The following MCU variants were observed in gnomAD, a reference collection of about 807,000 sequenced individuals.
MCU encodes the protein calcium uniporter protein, mitochondrial.
A neutral mutation model predicts 45.2 loss-of-function variants in MCU; 12 were observed. The observed-to-expected ratio is 0.27, with a 90% CI of 0.17 to 0.43. MCU has a LOEUF of 0.43. MCU is among the 20% of genes least tolerant of loss of function. The pLI, the probability that MCU is intolerant of heterozygous loss-of-function variation, is 1.00. For missense variants in MCU, 324 were observed against 436.7 expected (o/e 0.74, Z 2.30); for synonymous variants, 160 against 165.1 (o/e 0.97, Z 0.24).
At chr10:72,861,536 C>T (rs974530838) in intron 4 of MCU, 3 of 211,166 alleles carry the variant, frequency 1.4e-5, no homozygotes, top group Non-Finnish European at 2.9e-5. Context: ...AAGCCAGATA[C>T]GGGTTTCACC....
intron 1 of MCU, chr10:72,692,928 A>G (rs1266301969): frequency 6.6e-7 from 1 of 1,520,690 alleles, no homozygotes; most frequent in African/African-American, 1.4e-5. Flanking sequence ...TGGATGCTGC[A>G]TTGCTTCAGG....
chr10:72,864,822 A>C (rs1845429692), intron 4 of MCU, among the ~76,000 whole-genome samples: 1 of 152,212 alleles, frequency 6.6e-6, no homozygotes, highest in Non-Finnish European at 1.5e-5. Flanking sequence ...AGCTATGCTA[A>C]TGTGTTTTTC....
At chr10:72,868,175 G>A (rs2132880852) in intron 4 of MCU, among the ~76,000 whole-genome samples, 1 of 152,104 alleles carries the variant, frequency 6.6e-6, no homozygotes, top group South Asian at 2.1e-4. Flanking sequence ...AGAATATAAT[G>A]GTAGATATTT....
At chr10:72,702,938 A>G (rs1390652390) in intron 1 of MCU, among the ~76,000 whole-genome samples, 5 of 151,694 alleles carry the variant, frequency 3.3e-5, no homozygotes, top group East Asian at 1.9e-4. Flanking sequence ...ACATGGTGCC[A>G]TTGCACCCCA....
intron 1 of MCU, among the ~76,000 whole-genome samples, chr10:72,814,050 G>A (rs1029421071): frequency 6.6e-6 from 1 of 152,200 alleles, no homozygotes; most frequent in Non-Finnish European, 1.5e-5. Context: ...TGAAATTGGA[G>A]GAGGTACTTG....
chr10:72,701,905 G>A (rs895897512), intron 1 of MCU, among the ~76,000 whole-genome samples: 1 of 151,952 alleles, frequency 6.6e-6, no homozygotes, highest in African/African-American at 2.4e-5. Context: ...TCTAAGATAT[G>A]TGCTTCTTGG....
intron 1 of MCU, among the ~76,000 whole-genome samples, chr10:72,723,959 C>T (rs891884174): frequency 6.6e-6 from 1 of 152,114 alleles, no homozygotes; most frequent in Non-Finnish European, 1.5e-5. Context: ...TCTTCGAGAA[C>T]GTTTAACACA....
At chr10:72,692,421 G>T (rs1842634468) in intron 1 of MCU, 120 bp downstream of exon 1, 1 of 957,666 alleles carries the variant, frequency 1.0e-6, no homozygotes, top group Non-Finnish European at 1.3e-6. Context: ...CGCTCCGGAG[G>T]TTGCCGGGCA....
intron 1 of MCU, among the ~76,000 whole-genome samples, chr10:72,731,380 G>A (rs1843171504): frequency 6.6e-6 from 1 of 152,156 alleles, no homozygotes. Flanking sequence ...ATGGATATTG[G>A]AAAGCTATAG....
At chr10:72,859,826 TC>T (rs1845349251) in intron 3 of MCU, among the ~76,000 whole-genome samples, 1 of 152,216 alleles carries the variant, frequency 6.6e-6, no homozygotes, top group South Asian at 2.1e-4. Context: ...TAAGTTTTTT[TC>T]CCATTGTGTT....
At chr10:72,790,314 A>G (rs528463224) in intron 1 of MCU, among the ~76,000 whole-genome samples, 2 of 152,338 alleles carry the variant, frequency 1.3e-5, no homozygotes, top group East Asian at 1.9e-4. Flanking sequence ...ATAGAAAGAG[A>G]AGAGAAATAA....
chr10:72,876,028 A>G (rs1273879624), intron 6 of MCU, among the ~76,000 whole-genome samples: 1 of 152,220 alleles, frequency 6.6e-6, no homozygotes, highest in African/African-American at 2.4e-5. Context: ...TAATCAGGAA[A>G]AAAATGCCTT....
chr10:72,694,768 C>A (rs1363598326), intron 1 of MCU, among the ~76,000 whole-genome samples: 4 of 152,192 alleles, frequency 2.6e-5, no homozygotes, highest in Non-Finnish European at 4.4e-5. Flanking sequence ...GGGGGCATAA[C>A]CAGTTACAGC....
chr10:72,814,716 A>G (rs1232974060), intron 1 of MCU, among the ~76,000 whole-genome samples: 1 of 152,212 alleles, frequency 6.6e-6, no homozygotes, highest in Non-Finnish European at 1.5e-5. Flanking sequence ...AATTCCAAGC[A>G]ATGTACTGAT....
At chr10:72,799,869 A>G (rs1844312969) in intron 1 of MCU, among the ~76,000 whole-genome samples, 1 of 152,242 alleles carries the variant, frequency 6.6e-6, no homozygotes, top group Non-Finnish European at 1.5e-5. Context: ...AAGTAATAAT[A>G]CATTGCTTTT....
intron 2 of MCU, among the ~76,000 whole-genome samples, chr10:72,858,204 A>G (rs1223246763): frequency 1.3e-5 from 2 of 152,186 alleles, no homozygotes; most frequent in Non-Finnish European, 2.9e-5. Context: ...AGTACGCTAT[A>G]GGAGAGGCCA....
intron 1 of MCU, among the ~76,000 whole-genome samples, chr10:72,804,024 ATATATAT>A (rs1844383838): frequency 8.8e-5 from 1 of 11,360 alleles, no homozygotes; most frequent in Non-Finnish European, 1.7e-4. Flanking sequence ...GTAAATATAT[ATATATAT>A]ATATATATAT....
At chr10:72,758,169 A>G (rs771306894) in intron 1 of MCU, among the ~76,000 whole-genome samples, 49 of 152,192 alleles carry the variant, frequency 3.2e-4, no homozygotes, top group Admixed American at 6.5e-4. Flanking sequence ...GAGGATAGAA[A>G]GAGCTCTTCC....
chr10:72,791,804 A>T (rs1236607386), intron 1 of MCU, among the ~76,000 whole-genome samples: 1 of 151,254 alleles, frequency 6.6e-6, no homozygotes, highest in African/African-American at 2.4e-5. Context: ...CCTTCTGAAC[A>T]TGTTTTCTTT....
Sources: allele counts gnomAD v4.1 joint callset (sites outside exome capture counted in the v4.1 genomes callset), GRCh38; gene constraint gnomAD v4.1.1; transcripts MANE v1.5; gene names NCBI Gene and HGNC (gene_info 2026-07-23, HGNC 2026-07-21).